The following AKAP9 variants were observed in gnomAD, a reference collection of about 807,000 sequenced individuals.
AKAP9 encodes A-kinase anchor protein 9.
In AKAP9, 311 loss-of-function variants were observed where a neutral mutation model predicts 488.5. The observed-to-expected ratio is 0.64, with a 90% CI of 0.58 to 0.70. AKAP9 has a LOEUF of 0.70. Ranked by LOEUF, AKAP9 falls within the 30% of genes least tolerant of loss-of-function variation. The pLI, the probability that AKAP9 is intolerant of heterozygous loss-of-function variation, is 0.00. For missense variants in AKAP9, 4,215 were observed against 4,374.5 expected, an observed-to-expected ratio of 0.96 and a Z score of 1.03; for synonymous variants, 1,462 against 1,483.5, an observed-to-expected ratio of 0.99 and a Z score of 0.33.
At chr7:92,011,119 G>A (rs1173720990) in intron 8 of AKAP9, among the ~76,000 whole-genome samples, 2 of 152,046 alleles carry the variant, frequency 1.3e-5, no homozygotes, top group African/African-American at 4.8e-5. Context: ...AAATTTAGAA[G>A]CATTCCCATT....
chr7:92,009,655 T>G (rs553519147), intron 8 of AKAP9, among the ~76,000 whole-genome samples: 2 of 152,174 alleles, frequency 1.3e-5, no homozygotes, highest in African/African-American at 4.8e-5. Flanking sequence ...AACCCAGTTA[T>G]CTAATGAGAC....
intron 40 of AKAP9, among the ~76,000 whole-genome samples, chr7:92,096,271 A>C (rs568192342): frequency 5.9e-5 from 9 of 152,044 alleles, no homozygotes; most frequent in African/African-American, 2.2e-4. Flanking sequence ...TCTATTTTCT[A>C]ATAAAGATAC....
chr7:92,095,141 C>T lies in AKAP9; in HGVS notation c.9697C>T (p.Arg3233Cys), dbSNP rs61757674. 3.6e-4 allele frequency: 574 copies of T among 1,614,066 alleles called. No individual in the cohort carries two copies. Among genetic ancestry groups the T allele is most frequent in the Non-Finnish European group, 4.6e-4 (538 of 1,179,996 alleles). ...GGAGAAAGAGAAAGCCAAGTTGGGA[C>T]GCAGTGAAGAACGGGATAAAGAAGA... Reference protein sequence around the residue: ...ALEKEKAKLGRSEERDKEELE... With the variant: ...ALEKEKAKLGCSEERDKEELE... The change falls in exon 40 of 50, where the codon CGC becomes TGC. Residue 3233 changes from arginine to cysteine, a missense_variant. By Grantham distance (180) the Arg-to-Cys change is radical. Coordinates refer to ENST00000356239, the MANE Select transcript of AKAP9 (RefSeq NM_005751.5).
Position 92,002,839 on chromosome 7 carries a change from T to C in AKAP9, c.2922T>C (p.Ser974=). Residue 974 remains serine, a synonymous_variant, in exon 8 of 50, where the codon AGT becomes AGC. Transcript: ENST00000356239. ...EQLKQKHGEI[S]FLNEEVKSLK... Reference sequence around the variant, plus strand: ...TGAAACAGAAACATGGTGAGATTAGTTTTCTAAATGAAGAAGTTAAATCTT... The same window carrying C: ...TGAAACAGAAACATGGTGAGATTAGCTTTCTAAATGAAGAAGTTAAATCTT... 1 of 1,613,474 alleles carries C rather than the reference T, an allele frequency of 6.2e-7. No homozygotes were observed. The highest frequency in any genetic ancestry group is 8.5e-7 in the Non-Finnish European group (1 of 1,179,672).
At chr7:92,028,979 A>G (rs2130750455) in intron 14 of AKAP9, among the ~76,000 whole-genome samples, 1 of 152,288 alleles carries the variant, frequency 6.6e-6, no homozygotes, top group South Asian at 2.1e-4. Context: ...CCAATTTTGG[A>G]CAGAATTTAG....
chr7:91,979,929 T>G lies in AKAP9; in HGVS notation c.307-360T>G, dbSNP rs1796174851. On this transcript the variant is annotated intron_variant, in intron 2 of 49. Transcript: ENST00000356239. ...CTAACCACAGTTAACCATGGGTAAC[T>G]GAAATTATAGGAAGCAATACTGTGG... 8.5e-5 allele frequency among the ~76,000 whole-genome samples: 13 copies of G among 152,314 alleles called. 1 individual carries two copies. The South Asian group carries it at 2.7e-3, about 32-fold the overall frequency.
At chr7:92,084,559 C>T (rs1042409063) in intron 33 of AKAP9, 81 bp from the exon 34 acceptor site, 38 of 1,051,332 alleles carry the variant, frequency 3.6e-5, no homozygotes, top group Middle Eastern at 3.0e-4. Context: ...GATTACAGCA[C>T]GGGAAACCAG....
In AKAP9 at chr7:92,045,127, G is replaced by C; in HGVS notation, c.5282G>C (p.Ser1761Thr). Residue 1761 changes from serine to threonine, a missense_variant, in exon 21 of 50, where the codon AGT (serine) becomes ACT (threonine). By Grantham distance (58) the Ser-to-Thr change is moderately conservative (BLOSUM62 1). Coordinates refer to ENST00000356239, the MANE Select transcript of AKAP9 (RefSeq NM_005751.5). ...GTCCTTGGGATTCTAGATAGATCTA[G>C]TAAAAGCCAGTCATCTGCCAGCCTA... ...RHVLGILDRS[S>T]KSQSSASLIW... The C allele has an allele frequency of 6.2e-7, 1 of 1,613,760 alleles. No individual in the cohort carries two copies. Among genetic ancestry groups the C allele is most frequent in the Non-Finnish European group, 8.5e-7 (1 of 1,179,948 alleles).
chr7:92,002,222 A>G lies in AKAP9; in HGVS notation c.2305A>G (p.Lys769Glu), dbSNP rs1799261123. 7.5e-6 allele frequency: 12 copies of G among 1,590,674 alleles called. No homozygotes were observed. The highest frequency in any genetic ancestry group is 1.0e-5 in the Non-Finnish European group (12 of 1,174,022). The change falls in exon 8 of 50, where the codon AAA becomes GAA. Residue 769 changes from lysine (K) to glutamate (E), a missense_variant. Physicochemically the swap from Lys to Glu is moderately conservative, Grantham distance 56. This residue lies in a region of AKAP9 where 2,361 missense variants were observed against 2,430.0 expected (regional missense o/e 0.97). Transcript: ENST00000356239. ...MKEKENDLQE[K>E]FAQLEAENSI... ...GGAAAAAGAGAATGATCTTCAAGAA[A>G]AATTTGCACAACTTGAAGCAGAGAA... is the stretch of plus-strand genomic sequence containing the variant.
chr7:92,012,972 A>AT (rs1390057168), intron 9 of AKAP9, among the ~76,000 whole-genome samples: 2 of 103,006 alleles, frequency 1.9e-5, no homozygotes, highest in Non-Finnish European at 3.9e-5. Flanking sequence ...GTGGGGTTGG[A>AT]ATTTTTTTTT....
At position 91,973,846 on chromosome 7, in the gene AKAP9, T is replaced by C; in HGVS notation, c.184T>C (p.Cys62Arg). Residue 62 changes from cysteine (C) to arginine (R), a missense_variant, in exon 2 of 50, where the codon TGT (cysteine) becomes CGT (arginine). Around this residue, in one of 5 missense-constraint regions of AKAP9, gnomAD observed 2,361 missense variants for 2,430.0 expected, o/e 0.97. Transcript: ENST00000356239. ...TGATTTGAATATTGATCAATCACAG[T>C]GTAATGAAATGTACATAAATAGTTC... Reference protein sequence around the residue: ...HHDLNIDQSQCNEMYINSSQR... With the variant: ...HHDLNIDQSQRNEMYINSSQR... The C allele has an allele frequency of 6.2e-7, 1 of 1,614,152 alleles. No individual in the cohort carries two copies. Among genetic ancestry groups the C allele is most frequent in the Non-Finnish European group, 8.5e-7 (1 of 1,180,022 alleles).
intron 8 of AKAP9, among the ~76,000 whole-genome samples, chr7:92,005,336 T>G (rs1259764599): frequency 6.6e-6 from 1 of 152,146 alleles, no homozygotes; most frequent in African/African-American, 2.4e-5. Flanking sequence ...GAATTGACAT[T>G]TGAGCTGAAA....
At chr7:92,014,412 G>C (rs1801217249) in intron 10 of AKAP9, 84 bp downstream of exon 10, 1 of 996,712 alleles carries the variant, frequency 1.0e-6, no homozygotes, top group Non-Finnish European at 1.6e-6. Context: ...GAGGTGGTCA[G>C]ATCACTTGAG....
chr7:91,969,803 A>C (rs1308009627), intron 1 of AKAP9, among the ~76,000 whole-genome samples: 1 of 152,170 alleles, frequency 6.6e-6, no homozygotes, highest in Non-Finnish European at 1.5e-5. Flanking sequence ...CATTCTTAAT[A>C]GGCGAAGTGG....
At chr7:92,050,418 G>A (rs192136509) in intron 21 of AKAP9, among the ~76,000 whole-genome samples, 112 of 152,202 alleles carry the variant, frequency 7.4e-4, no homozygotes, top group Middle Eastern at 3.4e-3. Flanking sequence ...GGAGGTCAGT[G>A]TTGTCCTCTG....
chr7:92,082,188 G>A (rs1381428557), intron 31 of AKAP9, among the ~76,000 whole-genome samples: 1 of 152,160 alleles, frequency 6.6e-6, no homozygotes, highest in Non-Finnish European at 1.5e-5. Flanking sequence ...ACCTGTCTCA[G>A]CCTCTCAAAG....
At chr7:92,039,269 CAAAT>C (rs1348834327) in intron 17 of AKAP9, among the ~76,000 whole-genome samples, 3 of 152,072 alleles carry the variant, frequency 2.0e-5, no homozygotes, top group African/African-American at 4.8e-5. Context: ...ATATTAGTAT[CAAAT>C]AAAACAAGTC....
At chr7:92,095,281 T>C (rs752585040) in intron 40 of AKAP9, 108 bp downstream of exon 40, 1 of 1,262,686 alleles carries the variant, frequency 7.9e-7, no homozygotes, top group Non-Finnish European at 1.1e-6. Flanking sequence ...TAATAAGATA[T>C]GGTAAGTTGT....
chr7:92,096,112 GTTATTC>G (rs1374503322), intron 40 of AKAP9, among the ~76,000 whole-genome samples: 1 of 152,172 alleles, frequency 6.6e-6, no homozygotes, highest in Non-Finnish European at 1.5e-5. Flanking sequence ...TTTAAAGGTT[GTTATTC>G]TTATAAGAAA....
Sources: allele counts gnomAD v4.1 joint callset (sites outside exome capture counted in the v4.1 genomes callset), GRCh38; gene constraint gnomAD v4.1.1; regional missense constraint gnomAD v4.1.1; transcripts MANE v1.5; gene names NCBI Gene and HGNC (gene_info 2026-07-23, HGNC 2026-07-21).